The following SH2D3C variants were observed in gnomAD, a reference collection of about 807,000 sequenced individuals.
SH2D3C encodes the protein SH2 domain containing 3C.
In SH2D3C, 25 loss-of-function variants were observed where a neutral mutation model predicts 75.2. The observed-to-expected ratio is 0.33, with a 90% CI of 0.24 to 0.46. The LOEUF is 0.46. Ranked by LOEUF, SH2D3C falls within the 20% of genes least tolerant of loss-of-function variation. The pLI, the probability that SH2D3C is intolerant of heterozygous loss-of-function variation, is 1.00. For synonymous variants in SH2D3C, 450 were observed against 473.7 expected, an observed-to-expected ratio of 0.95 and a Z score of 0.65; for missense variants, 933 against 1,165.3, an observed-to-expected ratio of 0.80 and a Z score of 2.90.
At chr9:127,753,409 C>A (rs543604007) in intron 3 of SH2D3C, among the ~76,000 whole-genome samples, 3 of 152,052 alleles carry the variant, frequency 2.0e-5, no homozygotes, top group East Asian at 3.9e-4. Flanking sequence ...GGTGGTGGAC[C>A]CATGAAAATT....
At position 127,738,576 on chromosome 9, in the gene SH2D3C, G is replaced by A. The variant is rs1649533781; in HGVS notation, c.*170C>T. On this transcript the variant is annotated 3_prime_UTR_variant, in exon 12 of 12. Transcript: ENST00000314830. This position sits in a 1 kb window ranked among gnomAD's most constrained non-coding sequence, Gnocchi z 5.0. ...AGACCTGGTGAGCATGTAGCAGGTG[G>A]GATGGAACCCAGAGTCCACGCAGGA... 2 of 572,816 alleles carry A rather than the reference G, an allele frequency of 3.5e-6. No homozygotes were observed. The highest frequency in any genetic ancestry group is 5.9e-5 in the South Asian group (2 of 33,882). The allele number at this position is 572,816 out of a possible 1,614,324, so 35.5% of individuals were successfully genotyped here.
rs576675314 is a variant in SH2D3C at position 127,770,981 on chromosome 9, C to T, written c.515+3009G>A. Among the ~76,000 whole-genome samples, 15 of 152,308 alleles carry T rather than the reference C, an allele frequency of 9.8e-5. No homozygotes were observed. The South Asian group carries it at 2.5e-3, about 25-fold the overall frequency. ...CTATAAAATGGGGGTGATAGTAGTA[C>T]CTCCCTCCTGGGGCTGTTGTGTAGA... On this transcript the variant is annotated intron_variant, in intron 2 of 11. Transcript: ENST00000314830.
chr9:127,754,062 T>C lies in SH2D3C; in HGVS notation c.556-2762A>G, dbSNP rs1845280579. Among the ~76,000 whole-genome samples the C allele has an allele frequency of 6.6e-6, 1 of 152,024 alleles. No individual in the cohort carries two copies. Among genetic ancestry groups the C allele is most frequent in the Non-Finnish European group, 1.5e-5 (1 of 67,970 alleles). ...CACCTGAGGGTGAGGAATCCTAGGG[T>C]CCCTGTGCCTTGATCTCACCTCGAC... On this transcript the variant is annotated intron_variant, in intron 3 of 11. Coordinates refer to ENST00000314830, the MANE Select transcript of SH2D3C (RefSeq NM_170600.3). The surrounding 1 kb of genome is among the most constrained non-coding windows in gnomAD (Gnocchi z 4.4).
At chr9:127,755,252 G>T in intron 3 of SH2D3C, 3 of 1,175,028 alleles carry the variant, frequency 2.6e-6, no homozygotes, top group African/African-American at 1.6e-5. Flanking sequence ...CACCGGCTGC[G>T]CGTGCCTCTC....
rs1845784460 is a variant in SH2D3C, at chr9:127,774,682, A to G, written c.38-215T>C. ...TGGACTTGAATTCCTGCTCTTTCAC[A>G]TCCTAGCTGTGTGACCTTAGGCAAG... On this transcript the variant is annotated intron_variant, in intron 1 of 11. Transcript: ENST00000314830. The surrounding 1 kb of genome is among the most constrained non-coding windows in gnomAD (Gnocchi z 4.3). Among the ~76,000 whole-genome samples, 1 of 152,138 alleles carries G rather than the reference A, an allele frequency of 6.6e-6. No individual in the cohort carries two copies. Among genetic ancestry groups the G allele is most frequent in the African/African-American group, 2.4e-5 (1 of 41,430 alleles).
Position 127,744,943 on chromosome 9 carries a change from G to T in SH2D3C, c.1421C>A (p.Thr474Asn), listed in dbSNP as rs1844978618. 1 of 1,579,584 alleles carries T rather than the reference G, an allele frequency of 6.3e-7. No homozygotes were observed. Among genetic ancestry groups the T allele is most frequent in the Non-Finnish European group, 8.6e-7 (1 of 1,160,420 alleles). Residue 474 changes from threonine (T) to asparagine (N), a missense_variant, in exon 7 of 12, where the codon ACC becomes AAC. Thr to Asn is a moderately conservative substitution (Grantham distance 65, BLOSUM62 0). Coordinates refer to ENST00000314830, the MANE Select transcript of SH2D3C (RefSeq NM_170600.3). ...DKGPHTSPSH[T>N]LGKASPSPSL... is the part of the protein sequence containing the mutation. ...TGGTGACGGGGAGGCCTTGCCAAGG[G>T]TGTGGGAGGGGCTGGTGTGGGGGCC...
intron 3 of SH2D3C, among the ~76,000 whole-genome samples, chr9:127,757,183 T>C (rs1845405365): frequency 6.6e-6 from 1 of 151,280 alleles, no homozygotes; most frequent in African/African-American, 2.4e-5. Context: ...CCTCAAGTGA[T>C]CTGCCCGCAT....
At position 127,749,396 on chromosome 9, in the gene SH2D3C, C is replaced by T. The variant is rs374040609; in HGVS notation, c.954G>A (p.Pro318=). The change falls in exon 5 of 12, where the codon CCG becomes CCA. Residue 318 remains proline, a synonymous_variant. Coordinates refer to ENST00000314830, the MANE Select transcript of SH2D3C (RefSeq NM_170600.3). This position sits in a 1 kb window ranked among gnomAD's most constrained non-coding sequence, Gnocchi z 5.9. ...AGCGCAGTGGGAAGGTGCGGTTCAC[C>T]GGGCAGTAGATGATGGCACCACTCT... ...SEQSGAIIYC[P]VNRTFPLRYL... 12 of 1,613,948 alleles carry T rather than the reference C, an allele frequency of 7.4e-6. No individual in the cohort carries two copies. Among genetic ancestry groups the T allele is most frequent in the Admixed American group, 1.7e-5 (1 of 60,014 alleles).
chr9:127,749,262 G>A lies in SH2D3C; in HGVS notation c.1088C>T (p.Thr363Ile), dbSNP rs868715534. 2 of 1,597,806 alleles carry A rather than the reference G, an allele frequency of 1.3e-6. No individual in the cohort carries two copies. Among genetic ancestry groups the A allele is most frequent in the Middle Eastern group, 1.7e-4 (1 of 5,992 alleles). Residue 363 changes from threonine (T) to isoleucine (I), a missense_variant, in exon 5 of 12, where the codon ACC becomes ATC. Thr to Ile is a moderately conservative substitution (Grantham distance 89). Transcript: ENST00000314830. The surrounding 1 kb of genome is among the most constrained non-coding windows in gnomAD (Gnocchi z 5.9). ...SHMKRRSVTM[T>I]DGLTADKVTR... ...GACCTTGTCAGCAGTGAGCCCATCG[G>A]TCATGGTGACGCTGCGCCGCTTCAT...
In SH2D3C at chr9:127,747,052, TAA is replaced by T. The variant is rs1177672631; in HGVS notation, c.1264+93_1264+94del. 5.9e-6 allele frequency: 8 copies of T among 1,362,668 alleles called. No homozygotes were observed. In the South Asian group the frequency reaches 6.9e-5, roughly 12 times the overall value. 84.4% of individuals were successfully genotyped at this position (1,362,668 alleles called of 1,614,324 possible). Reference sequence around the variant, plus strand: ...TTCTCTTGGTAAAGGTCGCGCCTCATAAAAGAGGCGGAAACACACATAACCAC... The same window carrying T: ...TTCTCTTGGTAAAGGTCGCGCCTCATAAGAGGCGGAAACACACATAACCAC... On this transcript the variant is annotated intron_variant, in intron 6 of 11. Coordinates refer to ENST00000314830, the MANE Select transcript of SH2D3C (RefSeq NM_170600.3).
intron 2 of SH2D3C, chr9:127,766,978 T>C: frequency 2.6e-6 from 4 of 1,536,060 alleles, no homozygotes; most frequent in Non-Finnish European, 3.5e-6. Flanking sequence ...AAGAGCTGGG[T>C]GGAAAGCCCC....
At position 127,739,374 on chromosome 9, in the gene SH2D3C, G is replaced by A. The variant is rs1844779576; in HGVS notation, c.2407+308C>T. 6.6e-6 allele frequency among the ~76,000 whole-genome samples: 1 copy of A among 152,096 alleles called. No homozygotes were observed. The highest frequency in any genetic ancestry group is 2.1e-4 in the South Asian group (1 of 4,820). ...AAATACAAAAAATTGGCCAGGTATG[G>A]TGGCTCACGCCTGTAATTGCAGCTA... On this transcript the variant is annotated intron_variant, in intron 11 of 11. Coordinates refer to ENST00000314830, the MANE Select transcript of SH2D3C (RefSeq NM_170600.3). This position sits in a 1 kb window ranked among gnomAD's most constrained non-coding sequence, Gnocchi z 4.3.
chr9:127,742,553 A>G (rs1279121259), intron 8 of SH2D3C: 1 of 326,206 alleles, frequency 3.1e-6, no homozygotes, highest in Admixed American at 4.6e-5. Context: ...AGCAGTTTTA[A>G]GAACGAACAA....
chr9:127,754,110 A>G lies in SH2D3C; in HGVS notation c.556-2810T>C, dbSNP rs1479443613. 6.6e-6 allele frequency among the ~76,000 whole-genome samples: 1 copy of G among 152,122 alleles called. No individual in the cohort carries two copies. Among genetic ancestry groups the G allele is most frequent in the Non-Finnish European group, 1.5e-5 (1 of 67,974 alleles). On this transcript the variant is annotated intron_variant, in intron 3 of 11. Coordinates refer to ENST00000314830, the MANE Select transcript of SH2D3C (RefSeq NM_170600.3). The surrounding 1 kb of genome is among the most constrained non-coding windows in gnomAD (Gnocchi z 4.4). ...GACCTGGGAGCCCCCAGTTCCCTAGAGTTGGGGGTGCTGGGGTGCGAATGC... is the reference window on the plus strand; with the variant it reads ...GACCTGGGAGCCCCCAGTTCCCTAGGGTTGGGGGTGCTGGGGTGCGAATGC...
At chr9:127,756,002 T>C (rs1845369818) in intron 3 of SH2D3C, among the ~76,000 whole-genome samples, 8 of 152,202 alleles carry the variant, frequency 5.3e-5, no homozygotes, top group Admixed American at 5.2e-4. Context: ...CTTCCTGTCT[T>C]AGAAACTGGA....
At chr9:127,767,017 C>T in intron 2 of SH2D3C, 1 of 1,536,186 alleles carries the variant, frequency 6.5e-7, no homozygotes. Flanking sequence ...GCCATGGGGC[C>T]TGTGGGATTC....
intron 3 of SH2D3C, chr9:127,755,010 A>G: frequency 1.3e-6 from 1 of 763,704 alleles, no homozygotes; most frequent in Non-Finnish European, 1.7e-6. Context: ...GGCTGGCTCT[A>G]GGGCCCCGGG....
chr9:127,757,941 G>A (rs543581461), intron 3 of SH2D3C, among the ~76,000 whole-genome samples: 10 of 151,672 alleles, frequency 6.6e-5, no homozygotes, highest in Non-Finnish European at 1.5e-4. Flanking sequence ...GATTACAGGC[G>A]TGAGCCACTG....
At chr9:127,741,069 G>A (rs1050645536) in intron 9 of SH2D3C, among the ~76,000 whole-genome samples, 1 of 152,156 alleles carries the variant, frequency 6.6e-6, no homozygotes, top group South Asian at 2.1e-4. Flanking sequence ...GCCTCTGACC[G>A]TATGACCTTA....
Sources: gnomAD v4.1 joint callset for allele counts (sites outside exome capture counted in the v4.1 genomes callset) on GRCh38, gnomAD v4.1.1 for gene constraint, Gnocchi (gnomAD v3.1) non-coding constraint, MANE v1.5 for transcripts, NCBI Gene and HGNC (gene_info 2026-07-23, HGNC 2026-07-21) for gene names.